The following SCRG1 variants were observed in gnomAD, a reference collection of about 807,000 sequenced individuals.
SCRG1 encodes the protein stimulator of chondrogenesis 1, also known as scrapie-responsive protein 1.
A neutral mutation model predicts 7.7 loss-of-function variants in SCRG1; 3 were observed. That is an observed-to-expected ratio of 0.39 (90% CI 0.18 to 1.01). The LOEUF is 1.01. SCRG1 is among the 50% of genes least tolerant of loss of function. SCRG1 has a pLI of 0.36. For synonymous variants in SCRG1, 46 were observed against 41.2 expected (o/e 1.12, Z -0.44); for missense variants, 110 against 117.2 (o/e 0.94, Z 0.28).
the SCRG1 span, among the ~76,000 whole-genome samples, chr4:173,425,934 G>A: frequency 1.3e-5 from 2 of 152,164 alleles, no homozygotes; most frequent in African/African-American, 4.8e-5. Context: ...TGCTTCCTTA[G>A]GCCTAGCTGT....
rs1167696842 is a variant in SCRG1 at position 173,384,926 on chromosome 4, G to A, written c.*3415C>T. 6.6e-6 allele frequency: 1 copy of A among 152,148 alleles called. No individual in the cohort carries two copies. The highest frequency in any genetic ancestry group is 1.5e-5 in the Non-Finnish European group (1 of 68,004). The allele number at this position is 152,148 out of a possible 1,614,324, so 9.4% of individuals were successfully genotyped here. ...ATGTAAAAGTTTGCCTTTCTGTAAA[G>A]GAAATAATGCATTAGGTAATGCTGT... is the stretch of plus-strand genomic sequence containing the variant. On this transcript the variant is annotated 3_prime_UTR_variant, in exon 3 of 3. Transcript: ENST00000296506.
chr4:173,460,488 G>A, the SCRG1 span, among the ~76,000 whole-genome samples: 68 of 152,158 alleles, frequency 4.5e-4, no homozygotes, highest in Non-Finnish European at 7.3e-4. Flanking sequence ...GCCACAGTAG[G>A]ATATGGCACT....
chr4:173,460,840 C>A, the SCRG1 span, among the ~76,000 whole-genome samples: 2 of 152,124 alleles, frequency 1.3e-5, no homozygotes, highest in African/African-American at 4.8e-5. Context: ...GCCTGCTGCC[C>A]TGAAGTGTGA....
the SCRG1 span, chr4:173,420,279 T>C: frequency 1.6e-5 from 4 of 254,276 alleles, no homozygotes; most frequent in Non-Finnish European, 3.1e-5. Context: ...CCTATTGCCT[T>C]CTAAAATACT....
the SCRG1 span, among the ~76,000 whole-genome samples, chr4:173,412,581 C>T: frequency 1.6e-3 from 248 of 152,296 alleles, 1 homozygote; most frequent in South Asian, 0.012. Flanking sequence ...CCCATGGTCA[C>T]CAGCCCAAGG....
chr4:173,418,783 C>T, the SCRG1 span, among the ~76,000 whole-genome samples: 3 of 152,254 alleles, frequency 2.0e-5, no homozygotes, highest in South Asian at 2.1e-4. Flanking sequence ...AGTGAGTTCT[C>T]ATGAGATCTG....
the SCRG1 span, among the ~76,000 whole-genome samples, chr4:173,491,214 TC>T: frequency 3.7e-3 from 386 of 105,002 alleles, no homozygotes; most frequent in Admixed American, 9.3e-3. Context: ...TCTCTCTCTC[TC>T]TCTTTTTTTT....
chr4:173,479,435 G>GTTTTTTTTTTTT, the SCRG1 span, among the ~76,000 whole-genome samples: 1 of 125,930 alleles, frequency 7.9e-6, no homozygotes, highest in Non-Finnish European at 1.7e-5. Context: ...TTGTTTGTTT[G>GTTTTTTTTTTTT]TTTTTTTGTT....
chr4:173,472,513 T>C, the SCRG1 span, among the ~76,000 whole-genome samples: 6 of 152,108 alleles, frequency 3.9e-5, no homozygotes, highest in Non-Finnish European at 8.8e-5. Context: ...GATGGTGTAG[T>C]TGTAGTCTGA....
chr4:173,471,726 T>C, the SCRG1 span, among the ~76,000 whole-genome samples: 851 of 152,320 alleles, frequency 5.6e-3, 23 homozygotes, highest in Admixed American at 0.05. Flanking sequence ...AAATGAGTTT[T>C]GTTTTGCTTT....
the SCRG1 span, among the ~76,000 whole-genome samples, chr4:173,487,914 C>G: frequency 1.3e-5 from 2 of 151,806 alleles, no homozygotes; most frequent in Non-Finnish European, 2.9e-5. Flanking sequence ...TCATCCTGGG[C>G]AACATGGTGA....
At chr4:173,515,199 C>T in the SCRG1 span, among the ~76,000 whole-genome samples, 399 of 152,230 alleles carry the variant, frequency 2.6e-3, 3 homozygotes, top group Non-Finnish European at 4.1e-3. This position sits in a 1 kb window ranked among gnomAD's most constrained non-coding sequence, Gnocchi z 4.6. Context: ...TTGGAACATA[C>T]GGTGCCAGGA....
At chr4:173,404,066 T>C (rs1739834094), upstream of SCRG1, 1 of 152,378 alleles carries the variant, frequency 6.6e-6, no homozygotes, top group Non-Finnish European at 1.5e-5. Context: ...TACACGCAAC[T>C]TACTTACATG....
chr4:173,474,378 T>C, the SCRG1 span, among the ~76,000 whole-genome samples: 1 of 152,178 alleles, frequency 6.6e-6, no homozygotes, highest in Admixed American at 6.5e-5. Flanking sequence ...TTTTCAGGAA[T>C]TGAACCACTC....
At chr4:173,454,285 A>AGAT in the SCRG1 span, among the ~76,000 whole-genome samples, 2 of 151,268 alleles carry the variant, frequency 1.3e-5, no homozygotes, top group Admixed American at 6.6e-5. Flanking sequence ...GGAGGTTAGG[A>AGAT]TTGGTTTCTG....
rs760928229 is a variant in SCRG1 at position 173,391,305 on chromosome 4, T to G, written c.110A>C (p.Asn37Thr). Residue 37 changes from asparagine (N) to threonine (T), a missense_variant, in exon 2 of 3, where the codon AAC becomes ACC. Asn to Thr is a moderately conservative substitution (Grantham distance 65). Coordinates refer to ENST00000296506, the MANE Select transcript of SCRG1 (RefSeq NM_007281.4). ...TACTCCTTCCGGAAGGTTGTGACAGTTGTGATCTTTTAGTATCTTTCTGTA... is the reference window on the plus strand; with the variant it reads ...TACTCCTTCCGGAAGGTTGTGACAGGTGTGATCTTTTAGTATCTTTCTGTA... ...SCYRKILKDH[N>T]CHNLPEGVAD... is the part of the protein sequence containing the mutation. 6 of 1,614,070 alleles carry G rather than the reference T, an allele frequency of 3.7e-6. No homozygotes were observed. In the African/African-American group the frequency reaches 6.7e-5, roughly 18 times the overall value.
At chr4:173,486,372 C>T in the SCRG1 span, among the ~76,000 whole-genome samples, 218 of 152,202 alleles carry the variant, frequency 1.4e-3, 1 homozygote, top group African/African-American at 5.0e-3. Context: ...ATTTTGCATC[C>T]TTCACCACTG....
the SCRG1 span, among the ~76,000 whole-genome samples, chr4:173,488,729 C>T: frequency 7.9e-5 from 12 of 152,136 alleles, no homozygotes; most frequent in Non-Finnish European, 1.3e-4. Context: ...AATATGGTTT[C>T]ATCTGACAAA....
rs1013776967 is a variant in SCRG1 at position 173,397,545 on chromosome 4, G to T, written c.-15+1523C>A. Among the ~76,000 whole-genome samples, 2 of 152,088 alleles carry T rather than the reference G, an allele frequency of 1.3e-5. 1 individual carries two copies. The highest frequency in any genetic ancestry group is 2.9e-5 in the Non-Finnish European group (2 of 68,020). ...CCTAATAGTGTTGTAAGTTTTAATA[G>T]ATCATTGCAGAGGATACAGGATTAT... On this transcript the variant is annotated intron_variant, in intron 1 of 2. Transcript: ENST00000296506.
Sources: gnomAD v4.1 joint callset for allele counts (sites outside exome capture counted in the v4.1 genomes callset) on GRCh38, gnomAD v4.1.1 for gene constraint, Gnocchi (gnomAD v3.1) non-coding constraint, MANE v1.5 for transcripts, NCBI Gene and HGNC (gene_info 2026-07-23, HGNC 2026-07-21) for gene names.